The following RPS6KA2 variants were observed in gnomAD, a reference collection of about 807,000 sequenced individuals.
The protein encoded by RPS6KA2 is ribosomal protein S6 kinase alpha-2.
RPS6KA2 carries 42 observed loss-of-function variants against 91.8 expected under a neutral mutation model. The observed-to-expected ratio is 0.46, with a 90% CI of 0.36 to 0.59. The LOEUF (loss-of-function observed/expected upper bound fraction) is 0.59, where lower values mean the gene tolerates loss of function less well. Among genes scored for constraint, RPS6KA2 ranks in the 20% least tolerant of loss-of-function variants. RPS6KA2 has a pLI of 0.00. For synonymous variants in RPS6KA2, 414 were observed against 393.6 expected (o/e 1.05, Z -0.61); for missense variants, 798 against 978.5 (o/e 0.82, Z 2.46).
chr6:166,446,332 C>T (rs1035088485), intron 14 of RPS6KA2, among the ~76,000 whole-genome samples: 2 of 152,232 alleles, frequency 1.3e-5, no homozygotes, highest in East Asian at 3.9e-4. Flanking sequence ...CATGGGGCTG[C>T]ACCTTCCCGT....
intron 1 of RPS6KA2, among the ~76,000 whole-genome samples, chr6:166,606,502 C>G (rs892590939): frequency 6.6e-6 from 1 of 152,024 alleles, no homozygotes; most frequent in Non-Finnish European, 1.5e-5. Flanking sequence ...ATGGTTAACA[C>G]AGAAGTTATG....
At chr6:166,855,474 GGAA>G (rs143635448) in intron 2 of RPS6KA2, among the ~76,000 whole-genome samples, 86,156 of 126,374 alleles carry the variant, frequency 0.68, 28,965 homozygotes, top group Non-Finnish European at 0.76. Context: ...AAGAGGAAGA[GGAA>G]GAAGAAGAAG....
At chr6:166,808,021 T>C (rs539441960) in intron 2 of RPS6KA2, among the ~76,000 whole-genome samples, 1 of 144,572 alleles carries the variant, frequency 6.9e-6, no homozygotes, top group East Asian at 2.1e-4. Context: ...TCGGGATGCA[T>C]GAGGCAGCCC....
intron 5 of RPS6KA2, among the ~76,000 whole-genome samples, chr6:166,507,080 G>A (rs1243762588): frequency 1.3e-5 from 2 of 152,018 alleles, no homozygotes; most frequent in Non-Finnish European, 2.9e-5. Context: ...CAAAGGTGGC[G>A]TGCGAAGACC....
chr6:166,543,890 T>A (rs962641867), intron 1 of RPS6KA2, among the ~76,000 whole-genome samples: 8 of 152,170 alleles, frequency 5.3e-5, no homozygotes, highest in African/African-American at 1.9e-4. Flanking sequence ...GGTCTTGTTC[T>A]GGCTTTTTCT....
In RPS6KA2 at chr6:166,495,728, C is replaced by T. The variant is rs1781760337; in HGVS notation, c.747+2780G>A. Among the ~76,000 whole-genome samples the T allele has an allele frequency of 6.6e-6, 1 of 152,184 alleles. No homozygotes were observed. Among genetic ancestry groups the T allele is most frequent in the South Asian group, 2.1e-4 (1 of 4,820 alleles). On this transcript the variant is annotated intron_variant, in intron 8 of 20. Coordinates refer to ENST00000265678, the MANE Select transcript of RPS6KA2 (RefSeq NM_021135.6). This position sits in a 1 kb window ranked among gnomAD's most constrained non-coding sequence, Gnocchi z 4.4. ...ACGTGCCAGGAGACACTCACAGAGACAGACAACGACAATAAAAGATGGCAG... is the reference window on the plus strand; with the variant it reads ...ACGTGCCAGGAGACACTCACAGAGATAGACAACGACAATAAAAGATGGCAG...
rs376807293 is a variant in RPS6KA2 at position 166,691,173 on chromosome 6, A to G, written c.124-152389T>C. On this transcript the variant is annotated intron_variant, in intron 2 of 21. Coordinates refer to the RPS6KA2 transcript ENST00000503859. ...CTTTTATACCTGACTCTGCCATCTG[A>G]TTGCCCTGAAAATTACGGCCCCGGG... Among the ~76,000 whole-genome samples, 8 of 152,120 alleles carry G rather than the reference A, an allele frequency of 5.3e-5. No individual in the cohort carries two copies. The East Asian group carries it at 1.4e-3, about 26-fold the overall frequency.
At chr6:166,638,662 T>C (rs1281674904) in intron 2 of RPS6KA2, among the ~76,000 whole-genome samples, 1 of 152,202 alleles carries the variant, frequency 6.6e-6, no homozygotes, top group Admixed American at 6.5e-5. Flanking sequence ...TGACTTTGGC[T>C]GAAATTCTGA....
At chr6:166,545,191 A>G (rs1783786930) in intron 1 of RPS6KA2, among the ~76,000 whole-genome samples, 1 of 152,198 alleles carries the variant, frequency 6.6e-6, no homozygotes, top group Non-Finnish European at 1.5e-5. Context: ...CAGAGTTTGA[A>G]CTGCATCTAT....
intron 2 of RPS6KA2, among the ~76,000 whole-genome samples, chr6:166,680,432 C>T (rs1460393897): frequency 1.3e-5 from 2 of 152,206 alleles, no homozygotes; most frequent in African/African-American, 2.4e-5. Context: ...GCCAGGAGAC[C>T]TACCTGCTCT....
intron 2 of RPS6KA2, among the ~76,000 whole-genome samples, chr6:166,632,675 T>G (rs1416332445): frequency 6.6e-6 from 1 of 150,650 alleles, no homozygotes; most frequent in Non-Finnish European, 1.5e-5. Context: ...ATAAAAAGAA[T>G]GAATGAGGAA....
intron 2 of RPS6KA2, among the ~76,000 whole-genome samples, chr6:166,765,638 G>T (rs938063924): frequency 6.6e-6 from 1 of 152,176 alleles, no homozygotes; most frequent in Non-Finnish European, 1.5e-5. Context: ...GGCTTAAAGT[G>T]GTGTAGAAGG....
rs565786645 is a variant in RPS6KA2, at chr6:166,536,149, C to T, written c.216+2519G>A. ...AAATAAGAGAGAAAGAATGGAGTGG[C>T]TCAGTGACAGGCAACTATGAGCCCT... On this transcript the variant is annotated intron_variant, in intron 2 of 20. Coordinates refer to ENST00000265678, the MANE Select transcript of RPS6KA2 (RefSeq NM_021135.6). Among the ~76,000 whole-genome samples, 65 of 152,372 alleles carry T rather than the reference C, an allele frequency of 4.3e-4. No homozygotes were observed. The Middle Eastern group carries it at 0.01, about 24-fold the overall frequency.
chr6:166,707,678 T>C (rs1789720375), intron 2 of RPS6KA2, among the ~76,000 whole-genome samples: 1 of 152,194 alleles, frequency 6.6e-6, no homozygotes, highest in Non-Finnish European at 1.5e-5. Context: ...TGTATAAATA[T>C]AGTACCTTAA....
At chr6:166,792,035 C>T (rs1037735663) in intron 2 of RPS6KA2, among the ~76,000 whole-genome samples, 1 of 151,128 alleles carries the variant, frequency 6.6e-6, no homozygotes, top group East Asian at 1.9e-4. Flanking sequence ...TGAAGGAGAT[C>T]GAGACACAAA....
intron 10 of RPS6KA2, among the ~76,000 whole-genome samples, chr6:166,485,046 A>T (rs1291987434): frequency 6.6e-6 from 1 of 152,256 alleles, no homozygotes; most frequent in Non-Finnish European, 1.5e-5. Context: ...CTGGTTCATT[A>T]GAAATCCGCC....
chr6:166,432,401 A>G lies in RPS6KA2; in HGVS notation c.1422T>C (p.Asp474=), dbSNP rs1779164750. ...ATGCTGTTGCACGGGGACCACTCAC[A>G]TCCTTGAGGGTGATGATGTTCGGGT... The part of the protein sequence containing the change: ...GQHPNIITLK[D]VYDDGKFVYL... The change falls in exon 15 of 21, where the codon GAT becomes GAC. Residue 474 remains aspartate (D), a splice_region_variant and synonymous_variant. Coordinates refer to ENST00000265678, the MANE Select transcript of RPS6KA2 (RefSeq NM_021135.6). The G allele has an allele frequency of 6.2e-7, 1 of 1,606,930 alleles. No individual in the cohort carries two copies. Among genetic ancestry groups the G allele is most frequent in the African/African-American group, 1.3e-5 (1 of 74,904 alleles).
At chr6:166,836,147 T>C (rs1429746454) in intron 2 of RPS6KA2, among the ~76,000 whole-genome samples, 4 of 152,130 alleles carry the variant, frequency 2.6e-5, no homozygotes, top group Non-Finnish European at 4.4e-5. Context: ...AAGGAAAATA[T>C]ATATTATTTT....
At chr6:166,617,063 G>A (rs1385597321) in intron 1 of RPS6KA2, among the ~76,000 whole-genome samples, 1 of 152,218 alleles carries the variant, frequency 6.6e-6, no homozygotes, top group African/African-American at 2.4e-5. Context: ...GCTCCATCGT[G>A]GGCCGAAGGC....
Sources: allele counts gnomAD v4.1 joint callset (sites outside exome capture counted in the v4.1 genomes callset), GRCh38; gene constraint gnomAD v4.1.1; non-coding constraint Gnocchi (gnomAD v3.1); transcripts MANE v1.5; gene names NCBI Gene and HGNC (gene_info 2026-07-23, HGNC 2026-07-21).